The following PCDH11X variants were observed in gnomAD, a reference collection of about 807,000 sequenced individuals.
PCDH11X encodes the protein protocadherin-11 X-linked.
In PCDH11X, 18 loss-of-function variants were observed where a neutral mutation model predicts 53.3. That is an observed-to-expected ratio of 0.34 (90% CI 0.23 to 0.50). The LOEUF (loss-of-function observed/expected upper bound fraction) is 0.50, where lower values mean the gene tolerates loss of function less well. Among genes scored for constraint, PCDH11X ranks in the 20% least tolerant of loss-of-function variants. PCDH11X has a pLI of 0.98. For synonymous variants in PCDH11X, 279 were observed against 393.3 expected, an observed-to-expected ratio of 0.71 and a Z score of 3.44; for missense variants, 570 against 1,032.4, an observed-to-expected ratio of 0.55 and a Z score of 6.14.
chrX:92,311,209 C>T (rs1174486515), intron 8 of PCDH11X, among the ~76,000 whole-genome samples: 1 of 109,938 alleles, frequency 9.1e-6, no homozygotes, highest in Non-Finnish European at 1.9e-5. Flanking sequence ...ATAAAAGACA[C>T]TCAGTTATGG....
intron 7 of PCDH11X, among the ~76,000 whole-genome samples, chrX:92,254,059 G>C (rs970973399): frequency 8.9e-6 from 1 of 111,803 alleles, no homozygotes; most frequent in Admixed American, 9.5e-5. Context: ...TTAAGTATGT[G>C]AGTCTGTCAT....
chrX:92,408,829 G>A (rs1408913654), intron 9 of PCDH11X, among the ~76,000 whole-genome samples: 1 of 108,377 alleles, frequency 9.2e-6, no homozygotes, highest in Non-Finnish European at 1.9e-5. Context: ...TGATCCGCCC[G>A]CCTCGGCCTC....
At chrX:92,072,949 C>T (rs2063725001) in intron 6 of PCDH11X, among the ~76,000 whole-genome samples, 1 of 111,289 alleles carries the variant, frequency 9.0e-6, no homozygotes, top group African/African-American at 3.3e-5. Flanking sequence ...GGTGGCAAGG[C>T]TTGATGGGAA....
At chrX:92,444,068 A>T (rs981042908) in intron 9 of PCDH11X, among the ~76,000 whole-genome samples, 4 of 111,342 alleles carry the variant, frequency 3.6e-5, no homozygotes, top group African/African-American at 1.3e-4. Flanking sequence ...TTCTGTAAAA[A>T]ATGATGTTGG....
At chrX:91,953,030 A>T (rs2061660594) in intron 6 of PCDH11X, among the ~76,000 whole-genome samples, 1 of 110,631 alleles carries the variant, frequency 9.0e-6, no homozygotes, top group African/African-American at 3.3e-5. Flanking sequence ...GAGAGTAGAA[A>T]GATGGTTACC....
rs1270636580 is a variant in PCDH11X, at chrX:92,331,454, G to C, written c.3145-56281G>C. Among the ~76,000 whole-genome samples the C allele has an allele frequency of 2.9e-5, 3 of 102,052 alleles. No homozygotes were observed. The East Asian group carries it at 9.6e-4, about 33-fold the overall frequency. The allele number at this position is 102,052 out of a possible 115,157, so 88.6% of individuals were successfully genotyped here. On this transcript the variant is annotated intron_variant, in intron 8 of 10. Transcript: ENST00000682573. Reference sequence around the variant, plus strand: ...AATTGCCTAGAATGTCCTGACTCTTGTGGTAACTGCCTATGCTAGCTATGG... The same window carrying C: ...AATTGCCTAGAATGTCCTGACTCTTCTGGTAACTGCCTATGCTAGCTATGG...
intron 6 of PCDH11X, among the ~76,000 whole-genome samples, chrX:91,921,378 C>T (rs1049033883): frequency 9.1e-6 from 1 of 110,311 alleles, no homozygotes; most frequent in Non-Finnish European, 1.9e-5. Flanking sequence ...GTTTGGAAAA[C>T]ATTTAAAATA....
chrX:92,112,944 A>G (rs1394058787), intron 6 of PCDH11X, among the ~76,000 whole-genome samples: 1 of 109,655 alleles, frequency 9.1e-6, no homozygotes, highest in Non-Finnish European at 1.9e-5. Context: ...TTATTGATTA[A>G]CTTCCCTGAA....
intron 10 of PCDH11X, among the ~76,000 whole-genome samples, chrX:92,528,353 C>T (rs911665684): frequency 8.9e-6 from 1 of 111,791 alleles, no homozygotes; most frequent in Non-Finnish European, 1.9e-5. Context: ...AGTGCAATGG[C>T]GCAATTTTGG....
intron 6 of PCDH11X, among the ~76,000 whole-genome samples, chrX:91,975,923 T>C (rs1215335150): frequency 1.8e-5 from 2 of 111,243 alleles, no homozygotes; most frequent in Non-Finnish European, 3.8e-5. Flanking sequence ...AGATGGGCTT[T>C]GAGAGGCAGT....
At chrX:92,214,259 C>T (rs187544671) in intron 7 of PCDH11X, among the ~76,000 whole-genome samples, 42 of 111,730 alleles carry the variant, frequency 3.8e-4, no homozygotes, top group African/African-American at 1.0e-3. Flanking sequence ...CATTCAAATG[C>T]GCAAGAAGGA....
chrX:92,469,573 G>A (rs1388029613), intron 10 of PCDH11X, among the ~76,000 whole-genome samples: 1 of 111,323 alleles, frequency 9.0e-6, no homozygotes, highest in East Asian at 2.8e-4. Context: ...ATTTTTTTGT[G>A]TATGGCAAGA....
At chrX:92,392,668 T>TA (rs1479667545) in intron 9 of PCDH11X, among the ~76,000 whole-genome samples, 1 of 110,643 alleles carries the variant, frequency 9.0e-6, no homozygotes, top group Non-Finnish European at 1.9e-5. Flanking sequence ...CTGGTAAAAT[T>TA]AAAAAATCAA....
chrX:91,917,640 A>G (rs1363217141), intron 6 of PCDH11X, among the ~76,000 whole-genome samples: 1 of 98,113 alleles, frequency 1.0e-5, no homozygotes, highest in East Asian at 3.3e-4. Flanking sequence ...AGATCTTCAC[A>G]AGGAAAACTA....
chrX:92,235,573 G>A (rs2067155222), intron 7 of PCDH11X, among the ~76,000 whole-genome samples: 1 of 111,499 alleles, frequency 9.0e-6, no homozygotes, highest in Non-Finnish European at 1.9e-5. Flanking sequence ...TATTATTACT[G>A]CAGAAAATGA....
intron 1 of PCDH11X, among the ~76,000 whole-genome samples, chrX:91,796,243 T>C (rs2147529835): frequency 8.9e-6 from 1 of 112,153 alleles, no homozygotes; most frequent in African/African-American, 3.2e-5. Context: ...CAGCATTTGA[T>C]CTAACATAGT....
chrX:92,147,963 C>CCCTTCCTTCCTTCCTT (rs750116403), intron 6 of PCDH11X, among the ~76,000 whole-genome samples: 15 of 80,229 alleles, frequency 1.9e-4, no homozygotes, highest in African/African-American at 3.3e-4. Flanking sequence ...TTCCTTCTTT[C>CCCTTCCTTCCTTCCTT]CCTTCCTTCC....
At chrX:92,486,260 G>A (rs970519352) in intron 10 of PCDH11X, among the ~76,000 whole-genome samples, 3 of 110,991 alleles carry the variant, frequency 2.7e-5, no homozygotes, top group Admixed American at 9.6e-5. Flanking sequence ...GAAAATGAAG[G>A]CTTTCATGAA....
chrX:92,466,821 A>G (rs1294382989), intron 9 of PCDH11X, among the ~76,000 whole-genome samples: 1 of 109,970 alleles, frequency 9.1e-6, no homozygotes, highest in Non-Finnish European at 1.9e-5. Context: ...TTACCAAATT[A>G]GAAAGGATTT....
Sources: gnomAD v4.1 joint callset for allele counts (sites outside exome capture counted in the v4.1 genomes callset) on GRCh38, gnomAD v4.1.1 for gene constraint, MANE v1.5 for transcripts, NCBI Gene and HGNC (gene_info 2026-07-23, HGNC 2026-07-21) for gene names.